Variants in ITGAV observed in about 807,000 individuals in gnomAD.
ITGAV encodes the protein integrin alpha-V.
A neutral mutation model predicts 143.8 loss-of-function variants in ITGAV; 76 were observed. The ratio of observed to expected loss-of-function variants is 0.53; its 90% CI spans 0.44 to 0.64. The LOEUF is 0.64. ITGAV is among the 30% of genes least tolerant of loss of function. The pLI is 0.00. For missense variants in ITGAV, 1,193 were observed against 1,274.7 expected (o/e 0.94, Z 0.98); for synonymous variants, 453 against 446.7 (o/e 1.01, Z -0.18).
chr2:186,614,681 T>C (rs1687304117), intron 2 of ITGAV, among the ~76,000 whole-genome samples: 2 of 151,944 alleles, frequency 1.3e-5, no homozygotes, highest in African/African-American at 2.4e-5. Flanking sequence ...TTTTCTATTA[T>C]CCGTTTTCAT....
chr2:186,590,839 C>T (rs1265123197), intron 1 of ITGAV, among the ~76,000 whole-genome samples: 1 of 152,188 alleles, frequency 6.6e-6, no homozygotes, highest in Non-Finnish European at 1.5e-5. Flanking sequence ...TGCCGGACTC[C>T]CCGCCTCCTG....
intron 2 of ITGAV, among the ~76,000 whole-genome samples, chr2:186,602,421 A>G (rs1426282912): frequency 2.0e-5 from 3 of 152,200 alleles, no homozygotes; most frequent in Non-Finnish European, 2.9e-5. Context: ...ATTTGGGGTA[A>G]ACCTGTTAGG....
Position 186,664,620 on chromosome 2 carries a change from C to T in ITGAV, c.2052C>T (p.Ile684=), listed in dbSNP as rs147413915. ...CCATTCCACTGCAGGCTGATTTCAT[C>T]GGGGTTGTCCGAAACAATGAAGTAA... ...IVSIPLQADF[I]GVVRNNEALA... is the part of the protein sequence containing the mutation. Residue 684 remains isoleucine (I), a synonymous_variant, in exon 20 of 30, where the codon ATC becomes ATT. Transcript: ENST00000261023. The T allele has an allele frequency of 1.1e-3, 1,836 of 1,613,984 alleles. 3 individuals carry two copies. The highest frequency in any genetic ancestry group is 6.3e-3 in the Middle Eastern group (38 of 6,062).
intron 4 of ITGAV, among the ~76,000 whole-genome samples, chr2:186,629,366 G>A (rs1214013323): frequency 6.6e-6 from 1 of 151,954 alleles, no homozygotes; most frequent in African/African-American, 2.4e-5. Flanking sequence ...AAAAAAGGAT[G>A]TCTTTATAAA....
rs575464065 is a variant in ITGAV, at chr2:186,672,806, A to G, written c.2707-2798A>G. On this transcript the variant is annotated intron_variant, in intron 26 of 29. Transcript: ENST00000261023. ...TTGAGTTGCAAAGAGTTATTTATAT[A>G]TTCTGGATACTACCTTCATTAGATA... Among the ~76,000 whole-genome samples the G allele has an allele frequency of 1.8e-3, 270 of 152,262 alleles. 6 individuals carry two copies. In the South Asian group the frequency reaches 0.052, roughly 30 times the overall value.
At chr2:186,612,569 A>C (rs914947139) in intron 2 of ITGAV, among the ~76,000 whole-genome samples, 1 of 152,206 alleles carries the variant, frequency 6.6e-6, no homozygotes, top group African/African-American at 2.4e-5. Flanking sequence ...AACCTTGGCT[A>C]TGCCAGTTCT....
At chr2:186,613,500 A>T (rs1687273690) in intron 2 of ITGAV, among the ~76,000 whole-genome samples, 1 of 152,096 alleles carries the variant, frequency 6.6e-6, no homozygotes, top group African/African-American at 2.4e-5. Flanking sequence ...TATGTAAAAG[A>T]TGTTTCTGGA....
At chr2:186,654,227 G>A (rs1387945817) in intron 15 of ITGAV, among the ~76,000 whole-genome samples, 1 of 151,936 alleles carries the variant, frequency 6.6e-6, no homozygotes, top group Non-Finnish European at 1.5e-5. Flanking sequence ...CAGCTACTTG[G>A]GAGGCTGAGG....
rs1688814935 is a variant in ITGAV, at chr2:186,663,834, A to G, written c.1924A>G (p.Ser642Gly). The change falls in exon 19 of 30, where the codon AGT becomes GGT. Residue 642 changes from serine (S) to glycine (G), a missense_variant and splice_region_variant. Physicochemically the swap from Ser to Gly is moderately conservative, Grantham distance 56. Transcript: ENST00000261023. ...ACCCAAGCTGGAAGTTTCTGTAGAT[A>G]GGTAAGTTTTGCTTGAAATAATAAT... is the stretch of plus-strand genomic sequence containing the variant. ...CKPKLEVSVD[S>G]DQKKIYIGDD... 1 of 1,605,172 alleles carries G rather than the reference A, an allele frequency of 6.2e-7. No homozygotes were observed. The highest frequency in any genetic ancestry group is 1.7e-5 in the Admixed American group (1 of 59,922).
intron 2 of ITGAV, among the ~76,000 whole-genome samples, chr2:186,608,755 TC>T: frequency 6.6e-6 from 1 of 152,278 alleles, no homozygotes; most frequent in African/African-American, 2.4e-5. Flanking sequence ...GTGTGTATGT[TC>T]CATGCAAGTT....
At position 186,678,820 on chromosome 2, in the gene ITGAV, C is replaced by A; in HGVS notation, c.*1528C>A. 1 of 422,956 alleles carries A rather than the reference C, an allele frequency of 2.4e-6. No homozygotes were observed. The highest frequency in any genetic ancestry group is 4.7e-6 in the Non-Finnish European group (1 of 214,078). 26.2% of individuals were successfully genotyped at this position (422,956 alleles called of 1,614,324 possible). On this transcript the variant is annotated 3_prime_UTR_variant, in exon 30 of 30. Transcript: ENST00000261023. Reference sequence around the variant, plus strand: ...CCTCATTAGGTAATGATAAATATTTCCCTTAAATAATTGACTATTTTGCTG... The same window carrying A: ...CCTCATTAGGTAATGATAAATATTTACCTTAAATAATTGACTATTTTGCTG...
intron 12 of ITGAV, among the ~76,000 whole-genome samples, chr2:186,646,032 G>A (rs1688247643): frequency 6.6e-6 from 1 of 152,080 alleles, no homozygotes. Flanking sequence ...ATGCGGCAAT[G>A]ACTTGTCTAG....
chr2:186,641,704 T>C, intron 12 of ITGAV, 116 bp downstream of exon 12: 1 of 818,458 alleles, frequency 1.2e-6, no homozygotes, highest in Non-Finnish European at 2.0e-6. Flanking sequence ...GAAAGGTGGA[T>C]TGTGTGTAAG....
chr2:186,641,481 G>A lies in ITGAV; in HGVS notation c.1052G>A (p.Arg351Lys). Residue 351 changes from arginine (R) to lysine (K), a missense_variant, in exon 12 of 30, where the codon AGA becomes AAA. Coordinates refer to ENST00000261023, the MANE Select transcript of ITGAV (RefSeq NM_002210.5). ...EVGQVSVSLQ[R>K]ASGDFQTTKL... ...GGGCAGGTCTCAGTGTCTCTACAGA[G>A]AGCTTCAGGAGACTTCCAGACGACA... 6.2e-7 allele frequency: 1 copy of A among 1,614,182 alleles called. No individual in the cohort carries two copies. Among genetic ancestry groups the A allele is most frequent in the Non-Finnish European group, 8.5e-7 (1 of 1,180,022 alleles).
At chr2:186,618,163 C>T (rs1687421323) in intron 2 of ITGAV, among the ~76,000 whole-genome samples, 1 of 152,122 alleles carries the variant, frequency 6.6e-6, no homozygotes, top group African/African-American at 2.4e-5. Flanking sequence ...AATGTTGAAT[C>T]AAAGATTTTA....
At chr2:186,652,470 G>A (rs1688463348) in intron 15 of ITGAV, among the ~76,000 whole-genome samples, 1 of 151,354 alleles carries the variant, frequency 6.6e-6, no homozygotes, top group African/African-American at 2.5e-5. Flanking sequence ...AGGATTTACA[G>A]GCATGAGCCA....
intron 26 of ITGAV, among the ~76,000 whole-genome samples, chr2:186,672,354 TC>T: frequency 6.6e-6 from 1 of 152,360 alleles, no homozygotes; most frequent in East Asian, 1.9e-4. Flanking sequence ...CTACTTTTTG[TC>T]TGTTTTGAAT....
intron 28 of ITGAV, among the ~76,000 whole-genome samples, chr2:186,676,570 C>T (rs1250921001): frequency 6.6e-6 from 1 of 151,962 alleles, no homozygotes; most frequent in Non-Finnish European, 1.5e-5. Context: ...ACATACTGGG[C>T]GAGACTCTGT....
chr2:186,657,893 A>G (rs1688634362), intron 17 of ITGAV, among the ~76,000 whole-genome samples: 1 of 152,166 alleles, frequency 6.6e-6, no homozygotes, highest in Non-Finnish European at 1.5e-5. Context: ...ATGGTTTTAT[A>G]GGCAATATCT....
Sources: gnomAD v4.1 joint callset for allele counts (sites outside exome capture counted in the v4.1 genomes callset) on GRCh38, gnomAD v4.1.1 for gene constraint, MANE v1.5 for transcripts, NCBI Gene and HGNC (gene_info 2026-07-23, HGNC 2026-07-21) for gene names.